The following SCAI variants were observed in gnomAD, a reference collection of about 807,000 sequenced individuals.
SCAI encodes suppressor of cancer cell invasion, also known as protein SCAI.
SCAI carries 24 observed loss-of-function variants against 92.2 expected under a neutral mutation model. The observed-to-expected ratio is 0.26, with a 90% CI of 0.19 to 0.37. The LOEUF (loss-of-function observed/expected upper bound fraction) is 0.37, where lower values mean the gene tolerates loss of function less well. Among genes scored for constraint, SCAI ranks in the 10% least tolerant of loss-of-function variants. SCAI has a pLI of 1.00. For missense variants in SCAI, 450 were observed against 736.2 expected (o/e 0.61, Z 4.50); for synonymous variants, 261 against 258.6 (o/e 1.01, Z -0.09).
At chr9:125,089,781 T>C (rs1834394370) in intron 2 of SCAI, among the ~76,000 whole-genome samples, 4 of 152,108 alleles carry the variant, frequency 2.6e-5, no homozygotes, top group Admixed American at 2.6e-4. Context: ...CACAGCTCAC[T>C]GCAACCTTGA....
chr9:124,984,939 G>T (rs1389157180), intron 14 of SCAI, among the ~76,000 whole-genome samples: 2 of 152,188 alleles, frequency 1.3e-5, no homozygotes, highest in Non-Finnish European at 2.9e-5. Context: ...AGAGGAGACT[G>T]AAAGGATATG....
intron 6 of SCAI, among the ~76,000 whole-genome samples, chr9:125,026,584 A>G (rs1197337068): frequency 1.3e-5 from 2 of 152,040 alleles, no homozygotes; most frequent in African/African-American, 4.8e-5. Context: ...TAAAACAATA[A>G]CCCAACCCTC....
At chr9:124,992,837 T>C (rs1025910957) in intron 14 of SCAI, among the ~76,000 whole-genome samples, 2 of 152,210 alleles carry the variant, frequency 1.3e-5, no homozygotes, top group Non-Finnish European at 2.9e-5. Context: ...AAATCTAAAA[T>C]TAAGCCATGA....
intron 2 of SCAI, among the ~76,000 whole-genome samples, chr9:125,111,288 T>C (rs796159911): frequency 7.2e-5 from 11 of 152,218 alleles, no homozygotes; most frequent in African/African-American, 2.2e-4. Context: ...ATCTTCTCAA[T>C]AGATACAGAA....
At chr9:125,108,459 A>C (rs1261157005) in intron 2 of SCAI, among the ~76,000 whole-genome samples, 1 of 146,332 alleles carries the variant, frequency 6.8e-6, no homozygotes, top group African/African-American at 2.6e-5. Flanking sequence ...ATCGTCTGAG[A>C]TGTGGGGAGC....
At chr9:125,083,756 C>T (rs1032388576) in intron 2 of SCAI, among the ~76,000 whole-genome samples, 4 of 152,044 alleles carry the variant, frequency 2.6e-5, no homozygotes, top group Non-Finnish European at 5.9e-5. Flanking sequence ...GGTGCTAGAA[C>T]ATGGCAGTGA....
At chr9:125,108,826 C>T (rs1256840186) in intron 2 of SCAI, among the ~76,000 whole-genome samples, 4 of 152,052 alleles carry the variant, frequency 2.6e-5, no homozygotes, top group African/African-American at 9.7e-5. Flanking sequence ...GGAGCCAGCC[C>T]CTCTGCCCGG....
At position 124,943,016 on chromosome 9, in the gene SCAI, A is replaced by G. The variant is rs2131556128; in HGVS notation, c.*9791T>C. 6.6e-6 allele frequency: 1 copy of G among 152,350 alleles called. No individual in the cohort carries two copies. Among genetic ancestry groups the G allele is most frequent in the Non-Finnish European group, 1.5e-5 (1 of 68,030 alleles). The allele number at this position is 152,350 out of a possible 1,614,324, so 9.4% of individuals were successfully genotyped here. On this transcript the variant is annotated 3_prime_UTR_variant, in exon 18 of 18. Coordinates refer to ENST00000336505, the MANE Select transcript of SCAI (RefSeq NM_001144877.3). ...GAGTCAAAAGTGATGAACTCAAGAA[A>G]ATAAAATGTTTCAAGAACTTCTCAA...
chr9:125,114,183 C>G (rs1299424515), intron 2 of SCAI, among the ~76,000 whole-genome samples: 1 of 152,144 alleles, frequency 6.6e-6, no homozygotes, highest in Non-Finnish European at 1.5e-5. Flanking sequence ...TCAACTTTAA[C>G]ATAAGGTCAC....
intron 14 of SCAI, among the ~76,000 whole-genome samples, chr9:124,985,759 T>C (rs1351388259): frequency 6.6e-6 from 1 of 151,436 alleles, no homozygotes; most frequent in Non-Finnish European, 1.5e-5. Context: ...CCTAGCTACT[T>C]GGGAGGCTGA....
rs1282480278 is a variant in SCAI at position 124,944,320 on chromosome 9, A to T, written c.*8487T>A. On this transcript the variant is annotated 3_prime_UTR_variant, in exon 18 of 18. Transcript: ENST00000336505. ...AATTCCTTTTTTTTTTTTTTTTGAG[A>T]ATGAGTCTTGCTCTGTCACCCAGAC... is the stretch of plus-strand genomic sequence containing the variant. 1.3e-5 allele frequency: 2 copies of T among 148,948 alleles called. No homozygotes were observed. Among genetic ancestry groups the T allele is most frequent in the African/African-American group, 4.9e-5 (2 of 40,430 alleles). 9.2% of individuals were successfully genotyped at this position (148,948 alleles called of 1,614,324 possible). A position where few individuals can be genotyped will look rare whatever the true frequency, so the allele number is the denominator to read the frequency against.
At chr9:125,093,124 G>A (rs1388979726) in intron 2 of SCAI, among the ~76,000 whole-genome samples, 5 of 152,212 alleles carry the variant, frequency 3.3e-5, no homozygotes, top group African/African-American at 1.2e-4. Context: ...ACTTTGGGAG[G>A]CCAAGGTGGG....
chr9:125,010,274 T>G (rs1016151165), intron 9 of SCAI, among the ~76,000 whole-genome samples: 1 of 152,180 alleles, frequency 6.6e-6, no homozygotes, highest in Non-Finnish European at 1.5e-5. Context: ...TTCCCTTTCC[T>G]AGTCAAAGAA....
At chr9:124,964,371 T>C (rs1397203492) in intron 17 of SCAI, among the ~76,000 whole-genome samples, 1 of 152,216 alleles carries the variant, frequency 6.6e-6, no homozygotes, top group Non-Finnish European at 1.5e-5. Flanking sequence ...ACAATCTCTT[T>C]CATGATTTCC....
chr9:124,969,873 A>G (rs181859269), intron 17 of SCAI, among the ~76,000 whole-genome samples: 7 of 151,910 alleles, frequency 4.6e-5, no homozygotes, highest in Admixed American at 2.0e-4. Context: ...TTTTTTTCCA[A>G]GACTGAGTAT....
chr9:125,073,894 T>C (rs1588199334), intron 2 of SCAI, among the ~76,000 whole-genome samples: 1 of 152,242 alleles, frequency 6.6e-6, no homozygotes, highest in African/African-American at 2.4e-5. Context: ...AGGCTTCTAT[T>C]CTTCCTATTC....
At chr9:125,054,730 G>C (rs1337653336) in intron 3 of SCAI, among the ~76,000 whole-genome samples, 1 of 152,144 alleles carries the variant, frequency 6.6e-6, no homozygotes. Flanking sequence ...CATCTCCTCT[G>C]CAGCATAAAA....
At chr9:125,109,689 C>CTATCTATCTATCTATG (rs573722446) in intron 2 of SCAI, among the ~76,000 whole-genome samples, 93 of 148,620 alleles carry the variant, frequency 6.3e-4, no homozygotes, top group African/African-American at 2.2e-3. Flanking sequence ...ATCTATCTAT[C>CTATCTATCTATCTATG]TATGTATTTA....
rs751868545 is a variant in SCAI, at chr9:124,971,888, AAAGAT to A, written c.1400-49_1400-45del. 2.2e-5 allele frequency: 28 copies of A among 1,280,484 alleles called. 1 individual carries two copies. The highest frequency in any genetic ancestry group is 2.1e-4 in the Admixed American group (8 of 38,008). 79.3% of individuals were successfully genotyped at this position (1,280,484 alleles called of 1,614,324 possible). ...TATATATATAGACAATAGTTTTGCAAAAGATAAGAGATACATATGAGGAACATTTT... is the reference window on the plus strand; with the variant it reads ...TATATATATAGACAATAGTTTTGCAAAAGAGATACATATGAGGAACATTTT... On this transcript the variant is annotated intron_variant, in intron 15 of 17. Transcript: ENST00000336505.
Sources: gnomAD v4.1 joint callset for allele counts (sites outside exome capture counted in the v4.1 genomes callset) on GRCh38, gnomAD v4.1.1 for gene constraint, MANE v1.5 for transcripts, NCBI Gene and HGNC (gene_info 2026-07-23, HGNC 2026-07-21) for gene names.